Variants in HS6ST2 observed in about 807,000 individuals in gnomAD.
The protein encoded by HS6ST2 is heparan sulfate 6-O-sulfotransferase 2, also known as heparan-sulfate 6-O-sulfotransferase 2.
HS6ST2 carries 17 observed loss-of-function variants against 33.0 expected under a neutral mutation model. That is an observed-to-expected ratio of 0.52 (90% confidence interval 0.35 to 0.77). The LOEUF is 0.77. Among genes scored for constraint, HS6ST2 ranks in the 30% least tolerant of loss-of-function variants. HS6ST2 has a pLI of 0.01. For missense variants in HS6ST2, 519 were observed against 551.7 expected, an observed-to-expected ratio of 0.94 and a Z score of 0.59; for synonymous variants, 248 against 237.1, an observed-to-expected ratio of 1.05 and a Z score of -0.42.
chrX:132,837,943 T>C (rs959762298), intron 2 of HS6ST2, among the ~76,000 whole-genome samples: 1 of 112,185 alleles, frequency 8.9e-6, no homozygotes, highest in Non-Finnish European at 1.9e-5. Context: ...AATAAATACA[T>C]ATTTTTTTCT....
intron 2 of HS6ST2, among the ~76,000 whole-genome samples, chrX:132,866,428 G>A (rs1349508772): frequency 1.1e-5 from 1 of 88,249 alleles, no homozygotes; most frequent in Admixed American, 1.3e-4. Flanking sequence ...CTCCAGCTTT[G>A]TTCTTTTGGC....
upstream of HS6ST2, among the ~76,000 whole-genome samples, chrX:132,960,360 T>C (rs1049598222): frequency 1.8e-5 from 2 of 110,569 alleles, no homozygotes; most frequent in African/African-American, 3.3e-5. Flanking sequence ...GCTCTCCTCA[T>C]GGTGTCGCAT....
In HS6ST2 at chrX:132,635,375, G is replaced by A. The variant is rs1430306915; in HGVS notation, c.1068-6282C>T. ...TCCCGTCCTACTCTTCAGGTCTCCAGTCCCATGCCACTTCCACACCCCCAG... is the reference window on the plus strand; with the variant it reads ...TCCCGTCCTACTCTTCAGGTCTCCAATCCCATGCCACTTCCACACCCCCAG... On this transcript the variant is annotated intron_variant, in intron 4 of 4. Coordinates refer to ENST00000370833, the MANE Select transcript of HS6ST2 (RefSeq NM_001394073.1). Among the ~76,000 whole-genome samples the A allele has an allele frequency of 3.6e-5, 4 of 111,363 alleles. No individual in the cohort carries two copies. In the Admixed American group the frequency reaches 3.8e-4, roughly 11 times the overall value.
intron 2 of HS6ST2, among the ~76,000 whole-genome samples, chrX:132,949,974 A>G (rs1425303209): frequency 1.8e-5 from 2 of 111,250 alleles, no homozygotes; most frequent in Non-Finnish European, 3.8e-5. Flanking sequence ...TGCTCTATCA[A>G]AGGACATTTA....
chrX:132,723,475 T>C (rs2064357456), intron 2 of HS6ST2, among the ~76,000 whole-genome samples: 1 of 112,294 alleles, frequency 8.9e-6, no homozygotes, highest in Non-Finnish European at 1.9e-5. Context: ...TCATTCATCA[T>C]GACCAAGTGA....
intron 2 of HS6ST2, among the ~76,000 whole-genome samples, chrX:132,714,670 A>G (rs1485919334): frequency 9.0e-6 from 1 of 111,107 alleles, no homozygotes; most frequent in African/African-American, 3.3e-5. Flanking sequence ...GAACATTCCT[A>G]TGAAGGATAG....
chrX:132,818,937 T>C (rs1195714503), intron 2 of HS6ST2, among the ~76,000 whole-genome samples: 3 of 112,082 alleles, frequency 2.7e-5, no homozygotes, highest in African/African-American at 6.5e-5. Flanking sequence ...TTGCTGATTC[T>C]GACAGGTGAA....
chrX:132,918,078 C>T (rs140786987), intron 2 of HS6ST2, among the ~76,000 whole-genome samples: 186 of 112,687 alleles, frequency 1.7e-3, no homozygotes, highest in African/African-American at 6.0e-3. Flanking sequence ...TAATAAACAG[C>T]AGTGCTAGTG....
intron 2 of HS6ST2, among the ~76,000 whole-genome samples, chrX:132,899,934 A>G (rs1184607578): frequency 9.0e-6 from 1 of 111,192 alleles, no homozygotes; most frequent in Admixed American, 9.6e-5. Flanking sequence ...GAAAAAACTG[A>G]CACCTTATCA....
intron 3 of HS6ST2, among the ~76,000 whole-genome samples, chrX:132,708,215 G>A (rs1183927803): frequency 4.0e-5 from 4 of 99,299 alleles, no homozygotes; most frequent in African/African-American, 1.1e-4. Context: ...TGGGGTGGTC[G>A]CCCTGAACAT....
intron 2 of HS6ST2, among the ~76,000 whole-genome samples, chrX:132,745,805 T>C (rs1203741232): frequency 8.9e-6 from 1 of 111,744 alleles, no homozygotes. Context: ...ATCTAGAGAG[T>C]GTTTCCAAGG....
chrX:132,806,368 T>C (rs1244903779), intron 2 of HS6ST2, among the ~76,000 whole-genome samples: 1 of 110,219 alleles, frequency 9.1e-6, no homozygotes, highest in African/African-American at 3.3e-5. Flanking sequence ...TTCTTTTTGT[T>C]ATGACTTGTA....
chrX:132,957,461 G>A (rs970313354), intron 1 of HS6ST2, 135 bp from the exon 2 acceptor site: 2 of 721,704 alleles, frequency 2.8e-6, no homozygotes, highest in Non-Finnish European at 3.9e-6. Context: ...ACTCCACGGC[G>A]GCGGCGGCTG....
chrX:132,909,436 G>A (rs1300166175), intron 2 of HS6ST2, among the ~76,000 whole-genome samples: 2 of 112,295 alleles, frequency 1.8e-5, no homozygotes, highest in East Asian at 5.6e-4. Flanking sequence ...AGTGGAATTA[G>A]CAACACAAGA....
rs1486816118 is a variant in HS6ST2 at position 132,838,475 on chromosome X, C to T, written c.947+118333G>A. Among the ~76,000 whole-genome samples the T allele has an allele frequency of 4.5e-5, 5 of 111,610 alleles. No individual in the cohort carries two copies. The East Asian group carries it at 1.4e-3, about 31-fold the overall frequency. ...GGGATGGTCTAAGGAGGCTTTGGCT[C>T]CTAAGACCCAGAATTATAAATTATA... On this transcript the variant is annotated intron_variant, in intron 2 of 4. Transcript: ENST00000370833.
chrX:132,764,617 TG>T (rs1303825829), intron 2 of HS6ST2, among the ~76,000 whole-genome samples: 2 of 111,575 alleles, frequency 1.8e-5, no homozygotes, highest in Non-Finnish European at 3.8e-5. Flanking sequence ...TGTGTTCTGA[TG>T]GGAAATGCCC....
intron 2 of HS6ST2, among the ~76,000 whole-genome samples, chrX:132,802,336 A>G (rs2065242806): frequency 8.9e-6 from 1 of 111,875 alleles, no homozygotes; most frequent in Non-Finnish European, 1.9e-5. Context: ...AGATCTCAAT[A>G]AGTTTGTGTC....
chrX:132,673,111 TG>T (rs927271157), intron 3 of HS6ST2, among the ~76,000 whole-genome samples: 2 of 112,461 alleles, frequency 1.8e-5, no homozygotes, highest in African/African-American at 6.5e-5. Flanking sequence ...AAATTGAAAT[TG>T]TATTTCAAGA....
chrX:132,715,188 A>C lies in HS6ST2; in HGVS notation c.948-6694T>G, dbSNP rs1008346382. ...AGTGGCTCATGTCTGTATTCCCAAC[A>C]CTTTGGGAAGCCAAGGTGGGAGGAA... On this transcript the variant is annotated intron_variant, in intron 2 of 4. Transcript: ENST00000370833. Among the ~76,000 whole-genome samples the C allele has an allele frequency of 4.5e-5, 5 of 111,580 alleles. No individual in the cohort carries two copies. In the Middle Eastern group the frequency reaches 0.019, roughly 415 times the overall value.
Sources: allele counts gnomAD v4.1 joint callset (sites outside exome capture counted in the v4.1 genomes callset), GRCh38; gene constraint gnomAD v4.1.1; transcripts MANE v1.5; gene names NCBI Gene and HGNC (gene_info 2026-07-23, HGNC 2026-07-21).